PLCB1: variants seen among roughly 807,000 people sequenced by gnomAD.
PLCB1 encodes the protein phospholipase C beta 1.
Under a neutral mutation model 161.8 loss-of-function variants are expected in PLCB1, and 46 were observed. The ratio of observed to expected loss-of-function variants is 0.28; its 90% confidence interval spans 0.22 to 0.36. The LOEUF (loss-of-function observed/expected upper bound fraction) is 0.36. Ranked by LOEUF, PLCB1 falls within the 10% of genes least tolerant of loss-of-function variation. The pLI, the probability that PLCB1 is intolerant of heterozygous loss-of-function variation, is 1.00. For synonymous variants in PLCB1, 517 were observed against 503.7 expected, an observed-to-expected ratio of 1.03 and a Z score of -0.35; for missense variants, 1,016 against 1,472.5, an observed-to-expected ratio of 0.69 and a Z score of 5.07.
At chr20:8,696,844 C>T (rs1430249021) in intron 10 of PLCB1, among the ~76,000 whole-genome samples, 1 of 152,134 alleles carries the variant, frequency 6.6e-6, no homozygotes, top group East Asian at 1.9e-4. Context: ...CACCATTCTC[C>T]TGCCTCAGCC....
At chr20:8,237,415 A>G (rs950459346) in intron 2 of PLCB1, among the ~76,000 whole-genome samples, 9 of 152,076 alleles carry the variant, frequency 5.9e-5, no homozygotes, top group African/African-American at 2.2e-4. Context: ...CCCAGAAGTC[A>G]TATGGACATG....
At chr20:8,645,990 A>G in intron 4 of PLCB1, 112 bp from the exon 5 acceptor site, 1 of 671,814 alleles carries the variant, frequency 1.5e-6, no homozygotes, top group East Asian at 2.7e-5. Flanking sequence ...AAAACAAAAA[A>G]CCTTTGGCAT....
At chr20:8,234,777 C>A (rs1288388673) in intron 2 of PLCB1, among the ~76,000 whole-genome samples, 1 of 152,092 alleles carries the variant, frequency 6.6e-6, no homozygotes, top group African/African-American at 2.4e-5. Context: ...CAGTATTTAA[C>A]TAAAAATAGA....
At chr20:8,561,280 T>C (rs1475921729) in intron 3 of PLCB1, among the ~76,000 whole-genome samples, 1 of 152,012 alleles carries the variant, frequency 6.6e-6, no homozygotes, top group Non-Finnish European at 1.5e-5. Context: ...TATTTTCTAT[T>C]GTAAAATTTA....
At chr20:8,334,840 T>C (rs1173336012) in intron 2 of PLCB1, among the ~76,000 whole-genome samples, 5 of 152,196 alleles carry the variant, frequency 3.3e-5, no homozygotes, top group Non-Finnish European at 7.4e-5. Flanking sequence ...TGCCCCATGC[T>C]TTTCCATGCA....
intron 3 of PLCB1, among the ~76,000 whole-genome samples, chr20:8,395,305 C>A (rs1372694091): frequency 6.6e-6 from 1 of 151,786 alleles, no homozygotes; most frequent in Non-Finnish European, 1.5e-5. Context: ...CTCTATTAAT[C>A]AATTTGCTTG....
At chr20:8,220,916 A>G (rs1979372669) in intron 2 of PLCB1, among the ~76,000 whole-genome samples, 1 of 152,140 alleles carries the variant, frequency 6.6e-6, no homozygotes, top group Admixed American at 6.5e-5. Context: ...CCAGACCTTT[A>G]TGGAAATAGA....
At chr20:8,713,309 A>C (rs1979121053) in intron 12 of PLCB1, among the ~76,000 whole-genome samples, 1 of 152,048 alleles carries the variant, frequency 6.6e-6, no homozygotes, top group Non-Finnish European at 1.5e-5. Context: ...CTGCCTCCTA[A>C]GTAGCTGGTA....
chr20:8,873,565 A>G (rs2146327509), intron 31 of PLCB1, among the ~76,000 whole-genome samples: 1 of 152,236 alleles, frequency 6.6e-6, no homozygotes, highest in East Asian at 1.9e-4. Flanking sequence ...TTACCATAAA[A>G]GTGAGAAATA....
intron 3 of PLCB1, among the ~76,000 whole-genome samples, chr20:8,545,444 G>A (rs892086191): frequency 6.6e-5 from 10 of 152,178 alleles, no homozygotes; most frequent in Non-Finnish European, 8.8e-5. Flanking sequence ...GTGTGTCAGC[G>A]GAAGAGGACT....
At chr20:8,493,621 T>C (rs571890749) in intron 3 of PLCB1, among the ~76,000 whole-genome samples, 6 of 150,624 alleles carry the variant, frequency 4.0e-5, no homozygotes, top group South Asian at 2.1e-4. Context: ...TTGAGAGTGC[T>C]GTGTGCTTTA....
intron 20 of PLCB1, among the ~76,000 whole-genome samples, chr20:8,738,474 C>T (rs1236768420): frequency 6.6e-6 from 1 of 151,936 alleles, no homozygotes; most frequent in Non-Finnish European, 1.5e-5. Context: ...TGCAGCGTAC[C>T]AGCATGGCAC....
intron 2 of PLCB1, among the ~76,000 whole-genome samples, chr20:8,238,925 CTA>C (rs1299760593): frequency 6.6e-6 from 1 of 151,520 alleles, no homozygotes; most frequent in African/African-American, 2.4e-5. Context: ...GAATGGAAGA[CTA>C]TGGACTTAAG....
intron 3 of PLCB1, among the ~76,000 whole-genome samples, chr20:8,588,302 G>A (rs1006731087): frequency 5.3e-5 from 8 of 152,102 alleles, no homozygotes; most frequent in African/African-American, 1.9e-4. Context: ...GTAGTGGTCT[G>A]TCTCTTCAAC....
intron 8 of PLCB1, among the ~76,000 whole-genome samples, chr20:8,657,615 G>A (rs1022012431): frequency 6.6e-6 from 1 of 152,034 alleles, no homozygotes; most frequent in Non-Finnish European, 1.5e-5. Context: ...AAGAACTCTG[G>A]ATTGGGAACC....
intron 2 of PLCB1, among the ~76,000 whole-genome samples, chr20:8,295,353 TAGG>T (rs1983581173): frequency 6.6e-6 from 1 of 152,160 alleles, no homozygotes; most frequent in Non-Finnish European, 1.5e-5. Flanking sequence ...TAAAATATGA[TAGG>T]AGGAAAGGTT....
At chr20:8,821,704 T>C (rs533509795) in intron 31 of PLCB1, among the ~76,000 whole-genome samples, 5 of 151,928 alleles carry the variant, frequency 3.3e-5, no homozygotes, top group Admixed American at 1.3e-4. Context: ...AGTAATTACA[T>C]ATAAAAAGTG....
Position 8,669,668 on chromosome 20 carries a change from G to A in PLCB1, c.862+10964G>A, listed in dbSNP as rs368716383. Among the ~76,000 whole-genome samples the A allele has an allele frequency of 2.0e-5, 3 of 152,274 alleles. No homozygotes were observed. In the South Asian group the frequency reaches 6.2e-4, roughly 32 times the overall value. Reference sequence around the variant, plus strand: ...GAACCTCCTCTGTAGTCAGTACAGTGGGGAAGGATGTGCTGAAGGCATCTG... The same window carrying A: ...GAACCTCCTCTGTAGTCAGTACAGTAGGGAAGGATGTGCTGAAGGCATCTG... On this transcript the variant is annotated intron_variant, in intron 9 of 31. Coordinates refer to ENST00000338037, the MANE Select transcript of PLCB1 (RefSeq NM_015192.4).
intron 23 of PLCB1, among the ~76,000 whole-genome samples, chr20:8,753,183 C>T (rs1981572498): frequency 6.6e-6 from 1 of 152,070 alleles, no homozygotes; most frequent in South Asian, 2.1e-4. Flanking sequence ...AAGCTCAGGG[C>T]TCTCACTGAT....
Sources: allele counts gnomAD v4.1 joint callset (sites outside exome capture counted in the v4.1 genomes callset), GRCh38; gene constraint gnomAD v4.1.1; transcripts MANE v1.5; gene names NCBI Gene and HGNC (gene_info 2026-07-23, HGNC 2026-07-21).